The following WDR26 variants were observed in gnomAD, a reference collection of about 807,000 sequenced individuals.
WDR26 encodes WD repeat-containing protein 26.
A neutral mutation model predicts 84.1 loss-of-function variants in WDR26; 5 were observed. The ratio of observed to expected loss-of-function variants is 0.06; its 90% confidence interval spans 0.03 to 0.13. The LOEUF (loss-of-function observed/expected upper bound fraction) is 0.13, where lower values mean the gene tolerates loss of function less well. WDR26 is among the 10% of genes least tolerant of loss of function. WDR26 has a pLI of 1.00. For missense variants in WDR26, 642 were observed against 974.9 expected (o/e 0.66, Z 4.55); for synonymous variants, 415 against 389.6 (o/e 1.07, Z -0.77).
In WDR26 at chr1:224,434,320, T is replaced by G; in HGVS notation, c.86A>C (p.Lys29Thr). The G allele has an allele frequency of 8.1e-7, 1 of 1,228,116 alleles. No individual in the cohort carries two copies. Among genetic ancestry groups the G allele is most frequent in the Non-Finnish European group, 1.0e-6 (1 of 986,004 alleles). 76.1% of individuals were successfully genotyped at this position (1,228,116 alleles called of 1,614,324 possible). The change falls in exon 1 of 14, where the codon AAG becomes ACG. Residue 29 changes from lysine to threonine, a missense_variant. Transcript: ENST00000414423. Reference sequence around the variant, plus strand: ...CTCCGCCGCCGAGGCTCGGGGTTTCTTCCGCGGGGGCGGGGAGGCTCCGCC... The same window carrying G: ...CTCCGCCGCCGAGGCTCGGGGTTTCGTCCGCGGGGGCGGGGAGGCTCCGCC...
chr1:224,414,910 C>T (rs910750847), intron 6 of WDR26, among the ~76,000 whole-genome samples: 1 of 152,164 alleles, frequency 6.6e-6, no homozygotes, highest in Non-Finnish European at 1.5e-5. Context: ...ACACCTGAAG[C>T]CCCAGCTGCT....
At chr1:224,419,738 T>C (rs1674003547) in intron 4 of WDR26, 123 bp from the exon 5 acceptor site, 1 of 689,938 alleles carries the variant, frequency 1.4e-6, no homozygotes, top group Non-Finnish European at 2.5e-6. Flanking sequence ...ATTTCTACAG[T>C]GGACTCAATT....
At chr1:224,424,438 A>AT (rs1251604932) in intron 4 of WDR26, 80 bp downstream of exon 4, 2 of 1,549,172 alleles carry the variant, frequency 1.3e-6, no homozygotes, top group African/African-American at 2.8e-5. Context: ...AATAATCAAG[A>AT]TTTTATATTT....
At chr1:224,417,865 C>A (rs1558436186) in intron 6 of WDR26, among the ~76,000 whole-genome samples, 1 of 152,090 alleles carries the variant, frequency 6.6e-6, no homozygotes, top group African/African-American at 2.4e-5. Flanking sequence ...TAAAAAAAAC[C>A]CAAACCATAA....
In WDR26 at chr1:224,434,070, ACCT is replaced by A. The variant is rs768544588; in HGVS notation, c.333_335del (p.Gly125del). The A allele has an allele frequency of 2.6e-4, 374 of 1,430,850 alleles. 1 individual carries two copies. The highest frequency in any genetic ancestry group is 1.3e-3 in the South Asian group (88 of 68,980). The allele number at this position is 1,430,850 out of a possible 1,614,324, so 88.6% of individuals were successfully genotyped here. A position where few individuals can be genotyped will look rare whatever the true frequency, so the allele number is the denominator to read the frequency against. On this transcript the variant is annotated inframe_deletion, in exon 1 of 14. Coordinates refer to ENST00000414423, the MANE Select transcript of WDR26 (RefSeq NM_001379403.1). ...CTCCTCCTCCACCGCCGCCGCCGCCACCTCCTCCTCCTCCTCCTGCCCCATTGG... is the reference window on the plus strand; with the variant it reads ...CTCCTCCTCCACCGCCGCCGCCGCCACCTCCTCCTCCTCCTGCCCCATTGG...
At chr1:224,429,261 A>G (rs1674317476) in intron 3 of WDR26, 1 of 143,046 alleles carries the variant, frequency 7.0e-6, no homozygotes, top group Admixed American at 7.1e-5. Context: ...ACTCCATCTC[A>G]AAAAAAAAAA....
intron 7 of WDR26, among the ~76,000 whole-genome samples, chr1:224,407,152 A>AAAAAG (rs1673599618): frequency 1.6e-4 from 2 of 12,668 alleles, no homozygotes; most frequent in Non-Finnish European, 3.7e-4. Flanking sequence ...AAAAAAAAAA[A>AAAAAG]TATATATATA....
intron 12 of WDR26, among the ~76,000 whole-genome samples, chr1:224,394,640 G>A (rs1673212643): frequency 6.6e-6 from 1 of 152,014 alleles, no homozygotes; most frequent in Non-Finnish European, 1.5e-5. Context: ...GAGTAGCTGG[G>A]ATTACAGGTG....
At chr1:224,419,366 T>G in intron 5 of WDR26, 152 bp downstream of exon 5, 1 of 636,392 alleles carries the variant, frequency 1.6e-6, no homozygotes, top group Admixed American at 2.6e-5. Flanking sequence ...CTTCTTAGAC[T>G]CCATGACAGA....
chr1:224,395,081 G>A (rs1673224516), intron 12 of WDR26, among the ~76,000 whole-genome samples: 1 of 152,266 alleles, frequency 6.6e-6, no homozygotes, highest in East Asian at 1.9e-4. Flanking sequence ...GAGAGTATGG[G>A]CTCTGGAATC....
At chr1:224,413,234 T>G in intron 6 of WDR26, 1 of 1,018,234 alleles carries the variant, frequency 9.8e-7, no homozygotes, top group Non-Finnish European at 1.2e-6. Flanking sequence ...AAACGTTATT[T>G]AAACAATAAT....
At chr1:224,421,165 T>C (rs1000190896) in intron 4 of WDR26, among the ~76,000 whole-genome samples, 36 of 152,116 alleles carry the variant, frequency 2.4e-4, no homozygotes, top group East Asian at 1.9e-4. Flanking sequence ...CTCACCACCT[T>C]TGGGCCATTT....
Position 224,434,276 on chromosome 1 carries a change from C to A in WDR26, c.130G>T (p.Ala44Ser). 7.8e-7 allele frequency: 1 copy of A among 1,279,132 alleles called. No homozygotes were observed. The highest frequency in any genetic ancestry group is 3.0e-5 in the East Asian group (1 of 33,662). The allele number at this position is 1,279,132 out of a possible 1,614,324, so 79.2% of individuals were successfully genotyped here. Residue 44 changes from alanine (A) to serine (S), a missense_variant, in exon 1 of 14, where the codon GCT becomes TCT. Coordinates refer to ENST00000414423, the MANE Select transcript of WDR26 (RefSeq NM_001379403.1). ...GAGAGGCCTGCTCTGCCTGCCGAAG[C>A]CCCGGGCTCTCCTACTCCCTCCGCC...
At chr1:224,407,151 A>AAAAAAAAAAAAATATATATATATAT in intron 7 of WDR26, among the ~76,000 whole-genome samples, 1 of 11,876 alleles carries the variant, frequency 8.4e-5, no homozygotes. Context: ...AAAAAAAAAA[A>AAAAAAAAAAAAATATATATATATAT]ATATATATAT....
chr1:224,399,134 GT>G (rs377025189), intron 9 of WDR26, 100 bp from the exon 10 acceptor site: 28,598 of 901,274 alleles, frequency 0.032, 2 homozygotes, highest in Admixed American at 0.043. Flanking sequence ...TTAGTAACAG[GT>G]TTTTTTTTTT....
At position 224,387,316 on chromosome 1, in the gene WDR26, C is replaced by T. The variant is rs17503938; in HGVS notation, c.*2519G>A. The T allele has an allele frequency of 0.2, 30,327 of 152,440 alleles. 3,227 individuals carry two copies. Among genetic ancestry groups the T allele is most frequent in the Middle Eastern group, 0.23 (68 of 294 alleles). The allele number at this position is 152,440 out of a possible 1,614,324, so 9.4% of individuals were successfully genotyped here. A position where few individuals can be genotyped will look rare whatever the true frequency, so the allele number is the denominator to read the frequency against. ...TCTCATACCATAAAATCCTAGGCTT[C>T]TTTACCATTGATTTCACCTTTCGAG... On this transcript the variant is annotated 3_prime_UTR_variant, in exon 14 of 14. Transcript: ENST00000414423.
chr1:224,434,246 G>A lies in WDR26; in HGVS notation c.160C>T (p.Pro54Ser). The A allele has an allele frequency of 1.5e-6, 2 of 1,374,790 alleles. No homozygotes were observed. Among genetic ancestry groups the A allele is most frequent in the Non-Finnish European group, 1.9e-6 (2 of 1,067,758 alleles). 85.2% of individuals were successfully genotyped at this position (1,374,790 alleles called of 1,614,324 possible). Residue 54 changes from proline to serine, a missense_variant, in exon 1 of 14, where the codon CCG becomes TCG. This residue lies in a region of WDR26 where 291 missense variants were observed against 302.1 expected (regional missense o/e 0.96). Transcript: ENST00000414423. ...GAGGAGGACGAGGACGACGAGGACGGAGGGGAGAGGCCTGCTCTGCCTGCC... is the reference window on the plus strand; with the variant it reads ...GAGGAGGACGAGGACGACGAGGACGAAGGGGAGAGGCCTGCTCTGCCTGCC...
At chr1:224,414,260 C>A (rs1200103391) in intron 6 of WDR26, among the ~76,000 whole-genome samples, 1 of 151,928 alleles carries the variant, frequency 6.6e-6, no homozygotes, top group Non-Finnish European at 1.5e-5. Flanking sequence ...CACCCACCAC[C>A]ACACCCGGCT....
intron 3 of WDR26, chr1:224,430,390 T>C (rs1293908130): frequency 1.3e-5 from 2 of 152,164 alleles, no homozygotes; most frequent in Non-Finnish European, 2.9e-5. Flanking sequence ...TAAATGAATT[T>C]GCATTTATTC....
Sources: gnomAD v4.1 joint callset for allele counts (sites outside exome capture counted in the v4.1 genomes callset) on GRCh38, gnomAD v4.1.1 for gene constraint, gnomAD v4.1.1 regional missense constraint, MANE v1.5 for transcripts, NCBI Gene and HGNC (gene_info 2026-07-23, HGNC 2026-07-21) for gene names.